ACYP2: variants seen among roughly 807,000 people sequenced by gnomAD.
ACYP2 encodes acylphosphatase-2.
In ACYP2, 12 loss-of-function variants were observed where a neutral mutation model predicts 11.2. The observed-to-expected ratio is 1.08, with a 90% CI of 0.69 to 1.74. The LOEUF is 1.74. Among genes scored for constraint, ACYP2 ranks in the 40% most tolerant of loss-of-function variants. The pLI is 0.00. For synonymous variants in ACYP2, 43 were observed against 32.2 expected, an observed-to-expected ratio of 1.33 and a Z score of -1.13; for missense variants, 134 against 101.9, an observed-to-expected ratio of 1.31 and a Z score of -1.35.
intron 6 of ACYP2, among the ~76,000 whole-genome samples, chr2:54,158,955 G>A (rs959587220): frequency 1.2e-4 from 19 of 152,168 alleles, no homozygotes; most frequent in African/African-American, 4.6e-4. Flanking sequence ...TTTGGGGCAA[G>A]GGTCAGCTAA....
intron 6 of ACYP2, among the ~76,000 whole-genome samples, chr2:54,293,550 C>T (rs1010066200): frequency 6.6e-6 from 1 of 152,228 alleles, no homozygotes; most frequent in African/African-American, 2.4e-5. Context: ...TGGAGATGCA[C>T]TAGAAGTATG....
intron 6 of ACYP2, among the ~76,000 whole-genome samples, chr2:54,170,404 C>T (rs910239260): frequency 6.6e-6 from 1 of 152,134 alleles, no homozygotes; most frequent in African/African-American, 2.4e-5. Flanking sequence ...CTGCCTGCCT[C>T]CGCCTCCCAA....
At chr2:54,250,477 T>TGGGGGGGGGGG (rs149150140) in intron 6 of ACYP2, among the ~76,000 whole-genome samples, 2 of 83,726 alleles carry the variant, frequency 2.4e-5, no homozygotes, top group African/African-American at 4.4e-5. Context: ...GTGGGTGGGG[T>TGGGGGGGGGGG]GGGGGGGGCG....
chr2:54,303,999 G>A (rs1010048222), intron 6 of ACYP2, among the ~76,000 whole-genome samples: 36 of 152,320 alleles, frequency 2.4e-4, no homozygotes, highest in African/African-American at 7.7e-4. Context: ...TAAATTAGAT[G>A]TGTGGATATC....
chr2:54,043,349 G>A (rs1362666756), intron 2 of ACYP2, among the ~76,000 whole-genome samples: 2 of 152,092 alleles, frequency 1.3e-5, no homozygotes, highest in African/African-American at 4.8e-5. Flanking sequence ...ATATGGTTTG[G>A]GAATTACGGA....
chr2:54,260,984 C>G (rs1287152338), intron 6 of ACYP2, among the ~76,000 whole-genome samples: 2 of 152,098 alleles, frequency 1.3e-5, no homozygotes, highest in African/African-American at 4.8e-5. Flanking sequence ...GATATGTATT[C>G]TAGGGCCAAG....
intron 2 of ACYP2, among the ~76,000 whole-genome samples, chr2:54,038,102 G>A (rs1279765725): frequency 6.6e-6 from 1 of 152,188 alleles, no homozygotes; most frequent in Non-Finnish European, 1.5e-5. Context: ...AAACAAGCTG[G>A]ATATATTGAG....
intron 6 of ACYP2, among the ~76,000 whole-genome samples, chr2:54,183,554 T>C (rs1019077077): frequency 2.0e-5 from 3 of 152,026 alleles, no homozygotes; most frequent in Non-Finnish European, 4.4e-5. Context: ...AAAAAAAGAT[T>C]AACTTCATTT....
At chr2:54,091,409 T>G (rs1678219843) in intron 4 of ACYP2, among the ~76,000 whole-genome samples, 1 of 152,140 alleles carries the variant, frequency 6.6e-6, no homozygotes, top group South Asian at 2.1e-4. Context: ...AAAGGGCTAT[T>G]TTTTTCTTTA....
rs146554219 is a variant in ACYP2 at position 54,219,791 on chromosome 2, A to ATG, written c.404+81061_404+81062dup. ...GCGCCACCACACCCAGCTAATTTTT[A>ATG]TGTGTGTGTGTGTGTGTGTTTGTGT... On this transcript the variant is annotated intron_variant, in intron 6 of 6. Coordinates refer to ENST00000607452, the MANE Select transcript of ACYP2 (RefSeq NM_001320586.2). Among the ~76,000 whole-genome samples, 957 of 128,108 alleles carry ATG rather than the reference A, an allele frequency of 7.5e-3. 7 individuals are homozygous for ATG. The highest frequency in any genetic ancestry group is 0.025 in the Middle Eastern group (6 of 236). The allele number at this position is 128,108 out of a possible 152,430, so 84.0% of individuals were successfully genotyped here.
intron 2 of ACYP2, among the ~76,000 whole-genome samples, chr2:54,045,404 G>C (rs887773891): frequency 1.3e-5 from 2 of 152,174 alleles, no homozygotes; most frequent in Non-Finnish European, 2.9e-5. Flanking sequence ...CTATGCAGTG[G>C]GGATACGAAA....
intron 2 of ACYP2, among the ~76,000 whole-genome samples, chr2:53,976,950 A>G (rs138213888): frequency 1.8e-4 from 28 of 152,280 alleles, no homozygotes; most frequent in Admixed American, 4.6e-4. Context: ...ATCTTCATCA[A>G]TTATGCAAAA....
intron 4 of ACYP2, among the ~76,000 whole-genome samples, chr2:54,129,119 C>T (rs1349240494): frequency 6.6e-6 from 1 of 152,158 alleles, no homozygotes; most frequent in East Asian, 1.9e-4. Context: ...GGTAATAGTT[C>T]TGTTTAACAT....
intron 2 of ACYP2, among the ~76,000 whole-genome samples, chr2:54,017,321 T>C (rs1324295333): frequency 6.8e-6 from 1 of 146,800 alleles, no homozygotes; most frequent in South Asian, 2.3e-4. Context: ...AGTGGCACCA[T>C]CTCAGTTTAC....
intron 1 of ACYP2, among the ~76,000 whole-genome samples, chr2:53,973,364 G>A (rs938990377): frequency 1.2e-4 from 18 of 152,136 alleles, no homozygotes; most frequent in African/African-American, 4.3e-4. Flanking sequence ...CCCAAGCTAA[G>A]CCATCATATC....
chr2:54,074,578 T>TTGTG (rs59845178), intron 4 of ACYP2, among the ~76,000 whole-genome samples: 4,137 of 146,008 alleles, frequency 0.028, 182 homozygotes, highest in African/African-American at 0.086. Flanking sequence ...AGAACAGAAT[T>TTGTG]TGTGTGTGTG....
chr2:54,078,605 T>C (rs1304850072), intron 4 of ACYP2, among the ~76,000 whole-genome samples: 2 of 56,666 alleles, frequency 3.5e-5, no homozygotes, highest in Non-Finnish European at 8.3e-5. Flanking sequence ...CTCAATAAGC[T>C]TTTTTTTTTT....
chr2:54,270,680 T>A (rs565122295), intron 6 of ACYP2, among the ~76,000 whole-genome samples: 1 of 152,350 alleles, frequency 6.6e-6, no homozygotes, highest in South Asian at 2.1e-4. Flanking sequence ...TATTTTTTCC[T>A]AATTTTATGA....
intron 4 of ACYP2, among the ~76,000 whole-genome samples, chr2:54,088,947 A>AACAG (rs1678085122): frequency 6.6e-6 from 1 of 152,216 alleles, no homozygotes; most frequent in Non-Finnish European, 1.5e-5. Flanking sequence ...TTGCATGTTC[A>AACAG]ACAGACAGCT....
Sources: allele counts gnomAD v4.1 joint callset (sites outside exome capture counted in the v4.1 genomes callset), GRCh38; gene constraint gnomAD v4.1.1; transcripts MANE v1.5; gene names NCBI Gene and HGNC (gene_info 2026-07-23, HGNC 2026-07-21).